Variants in KSR2 observed in about 807,000 individuals in gnomAD.
KSR2 encodes kinase suppressor of ras 2.
A neutral mutation model predicts 107.8 loss-of-function variants in KSR2; 25 were observed. The observed-to-expected ratio is 0.23, with a 90% CI of 0.17 to 0.32. The LOEUF (loss-of-function observed/expected upper bound fraction) is 0.32. Ranked by LOEUF, KSR2 falls within the 10% of genes least tolerant of loss-of-function variation. The pLI, the probability that KSR2 is intolerant of heterozygous loss-of-function variation, is 1.00. For synonymous variants in KSR2, 480 were observed against 507.0 expected, an observed-to-expected ratio of 0.95 and a Z score of 0.71; for missense variants, 887 against 1,268.9, an observed-to-expected ratio of 0.70 and a Z score of 4.57.
At chr12:117,644,472 C>T (rs1252436465) in intron 5 of KSR2, among the ~76,000 whole-genome samples, 1 of 152,174 alleles carries the variant, frequency 6.6e-6, no homozygotes, top group African/African-American at 2.4e-5. Context: ...CTGCATGTTG[C>T]AATCACCCAG....
At chr12:117,811,656 T>A (rs1459367607) in intron 3 of KSR2, among the ~76,000 whole-genome samples, 1 of 152,196 alleles carries the variant, frequency 6.6e-6, no homozygotes, top group Non-Finnish European at 1.5e-5. Flanking sequence ...AGAGTAATTG[T>A]AAGAAATTAG....
chr12:117,481,015 T>C (rs1236830787), intron 16 of KSR2, among the ~76,000 whole-genome samples: 1 of 152,192 alleles, frequency 6.6e-6, no homozygotes, highest in Middle Eastern at 3.4e-3. Context: ...TGAGCCGTGA[T>C]TGCACTACTG....
chr12:117,748,087 G>A (rs1888477096), intron 4 of KSR2, among the ~76,000 whole-genome samples: 1 of 135,060 alleles, frequency 7.4e-6, no homozygotes, highest in South Asian at 2.2e-4. Context: ...TAAAGAAAAT[G>A]TGGTATATAT....
chr12:117,684,717 C>A (rs1335325621), intron 4 of KSR2, among the ~76,000 whole-genome samples: 1 of 152,190 alleles, frequency 6.6e-6, no homozygotes, highest in African/African-American at 2.4e-5. Context: ...GGGCCGGACA[C>A]TGTGCTCATG....
chr12:117,833,664 T>C (rs1426333374), intron 3 of KSR2, among the ~76,000 whole-genome samples: 1 of 152,168 alleles, frequency 6.6e-6, no homozygotes, highest in Non-Finnish European at 1.5e-5. Flanking sequence ...CCATTGTGCC[T>C]GGCCAGGGGT....
chr12:117,536,885 G>T (rs750397977), intron 10 of KSR2, among the ~76,000 whole-genome samples: 1 of 152,230 alleles, frequency 6.6e-6, no homozygotes, highest in African/African-American at 2.4e-5. Context: ...TAAAGTCCTA[G>T]AAGTGATATA....
intron 4 of KSR2, among the ~76,000 whole-genome samples, chr12:117,726,677 G>C (rs1352656571): frequency 2.0e-5 from 3 of 152,184 alleles, no homozygotes; most frequent in East Asian, 1.9e-4. Context: ...TGATGATATA[G>C]AGCAACTTGT....
At chr12:117,922,816 A>T (rs964080236) in intron 1 of KSR2, among the ~76,000 whole-genome samples, 1 of 152,180 alleles carries the variant, frequency 6.6e-6, no homozygotes, top group Non-Finnish European at 1.5e-5. Context: ...AGAATAAAGA[A>T]AATAGTCCGT....
At chr12:117,671,548 G>C (rs1420421382) in intron 4 of KSR2, among the ~76,000 whole-genome samples, 1 of 152,194 alleles carries the variant, frequency 6.6e-6, no homozygotes, top group African/African-American at 2.4e-5. Flanking sequence ...GACTGTTCTG[G>C]ATTAAGACTC....
chr12:117,717,734 C>T lies in KSR2; in HGVS notation c.986+43277G>A, dbSNP rs139394553. Among the ~76,000 whole-genome samples, 1,452 of 150,516 alleles carry T rather than the reference C, an allele frequency of 9.6e-3. 13 individuals carry two copies. The highest frequency in any genetic ancestry group is 0.016 in the Admixed American group (242 of 15,092). On this transcript the variant is annotated intron_variant, in intron 4 of 19. Transcript: ENST00000339824. The stretch of plus-strand genomic sequence containing the variant: ...GTGTGCATGCGCGCGCGTGCATGCA[C>T]GTGTGCCTGTCCTAATCAGCTTACT...
intron 7 of KSR2, among the ~76,000 whole-genome samples, chr12:117,571,314 A>G (rs144888629): frequency 6.6e-6 from 1 of 152,240 alleles, no homozygotes; most frequent in East Asian, 1.9e-4. Context: ...GGGAGTAGGG[A>G]GAAGCCAGGC....
intron 1 of KSR2, among the ~76,000 whole-genome samples, chr12:117,862,125 A>C (rs558757176): frequency 6.6e-6 from 1 of 151,310 alleles, no homozygotes; most frequent in South Asian, 2.1e-4. Context: ...GCAGTGGTGC[A>C]ATCATAGCTC....
At chr12:117,724,574 A>T (rs911731858) in intron 4 of KSR2, among the ~76,000 whole-genome samples, 1 of 151,388 alleles carries the variant, frequency 6.6e-6, no homozygotes, top group Non-Finnish European at 1.5e-5. Context: ...CAGCAAAAAA[A>T]CCTGCCCCCC....
intron 3 of KSR2, among the ~76,000 whole-genome samples, chr12:117,784,227 G>T (rs146473125): frequency 6.6e-6 from 1 of 152,144 alleles, no homozygotes; most frequent in Non-Finnish European, 1.5e-5. Flanking sequence ...GCCAGGGCCA[G>T]GTGGAGATGA....
chr12:117,905,605 G>A (rs573697008), intron 1 of KSR2, among the ~76,000 whole-genome samples: 7 of 152,112 alleles, frequency 4.6e-5, no homozygotes, highest in East Asian at 3.9e-4. Flanking sequence ...TACAAGCTAC[G>A]AAAAAGGATG....
At position 117,459,504 on chromosome 12, in the gene KSR2, G is replaced by T. The variant is rs1404695791; in HGVS notation, c.*7695C>A. 2 of 152,164 alleles carry T rather than the reference G, an allele frequency of 1.3e-5. No homozygotes were observed. The highest frequency in any genetic ancestry group is 2.9e-5 in the Non-Finnish European group (2 of 68,036). The allele number at this position is 152,164 out of a possible 1,614,324, so 9.4% of individuals were successfully genotyped here. The stretch of plus-strand genomic sequence containing the variant: ...CAAGAGTACAGCAGGGGACACTGGT[G>T]GTAGATCCATTACATATTTGTACTC... On this transcript the variant is annotated 3_prime_UTR_variant, in exon 20 of 20. Transcript: ENST00000339824.
intron 14 of KSR2, among the ~76,000 whole-genome samples, chr12:117,487,647 C>A (rs1006789252): frequency 6.6e-6 from 1 of 152,156 alleles, no homozygotes; most frequent in African/African-American, 2.4e-5. Flanking sequence ...AGGCCAGATC[C>A]CAGAAAATAC....
At chr12:117,532,712 G>A (rs1423911173) in intron 10 of KSR2, among the ~76,000 whole-genome samples, 1 of 152,122 alleles carries the variant, frequency 6.6e-6, no homozygotes, top group Non-Finnish European at 1.5e-5. Context: ...CAGGGGTCTC[G>A]GACACTTAAA....
chr12:117,621,217 C>T (rs1882179089), intron 5 of KSR2, among the ~76,000 whole-genome samples: 1 of 152,142 alleles, frequency 6.6e-6, no homozygotes, highest in Non-Finnish European at 1.5e-5. Context: ...TCTTACCTGC[C>T]ACCATGTAAG....
Sources: gnomAD v4.1 joint callset for allele counts (sites outside exome capture counted in the v4.1 genomes callset) on GRCh38, gnomAD v4.1.1 for gene constraint, MANE v1.5 for transcripts, NCBI Gene and HGNC (gene_info 2026-07-23, HGNC 2026-07-21) for gene names.